RNF228: variants seen among roughly 807,000 people sequenced by gnomAD.
The protein encoded by RNF228 is ring finger protein 228.
the RNF228 span, among the ~76,000 whole-genome samples, chr2:222,314,899 G>A: frequency 2.0e-5 from 3 of 152,150 alleles, no homozygotes; most frequent in Non-Finnish European, 2.9e-5. Context: ...CCTTGGAGGC[G>A]ACAATGTAGA....
chr2:222,316,110 A>C, the RNF228 span, among the ~76,000 whole-genome samples: 1 of 152,224 alleles, frequency 6.6e-6, no homozygotes, highest in East Asian at 1.9e-4. Context: ...TTGCTATTTC[A>C]ACAATTACTT....
chr2:222,318,150 A>G, the RNF228 span: 1 of 152,254 alleles, frequency 6.6e-6, no homozygotes, highest in African/African-American at 2.4e-5. Context: ...GAGAGAAGGG[A>G]GAACAGGCTC....
At chr2:222,318,984 C>T in the RNF228 span, 3,348 of 153,668 alleles carry the variant, frequency 0.022, 108 homozygotes, top group African/African-American at 0.072. Context: ...TCTCCCGCCA[C>T]GCGGGGCTGG....
At chr2:222,318,916 CGG>C in the RNF228 span, 1 of 152,418 alleles carries the variant, frequency 6.6e-6, no homozygotes, top group African/African-American at 2.4e-5. Context: ...CAGGAGAGCC[CGG>C]GGGCAGCAGG....
the RNF228 span, among the ~76,000 whole-genome samples, chr2:222,316,991 T>C: frequency 6.6e-6 from 1 of 152,196 alleles, no homozygotes; most frequent in Admixed American, 6.5e-5. Flanking sequence ...ATTGTGGTAG[T>C]AAATATGTAA....
the RNF228 span, chr2:222,319,267 C>T: frequency 3.0e-6 from 1 of 338,580 alleles, no homozygotes; most frequent in Admixed American, 4.8e-5. The surrounding 1 kb of genome is among the most constrained non-coding windows in gnomAD (Gnocchi z 7.6). Context: ...GGCGCCCCGC[C>T]TCCGGGGGTT....
chr2:222,319,205 GGGCC>G, the RNF228 span: 1 of 319,018 alleles, frequency 3.1e-6, no homozygotes, highest in Admixed American at 5.0e-5. The surrounding 1 kb of genome is among the most constrained non-coding windows in gnomAD (Gnocchi z 7.6). Context: ...ACAGGCAGAT[GGGCC>G]CCACGGGCGA....
chr2:222,315,692 G>A, the RNF228 span, among the ~76,000 whole-genome samples: 5 of 152,150 alleles, frequency 3.3e-5, no homozygotes, highest in East Asian at 1.9e-4. Context: ...CGGTCTTTCC[G>A]ACTAAAGAGA....
the RNF228 span, among the ~76,000 whole-genome samples, chr2:222,319,923 G>A: frequency 6.6e-6 from 1 of 152,106 alleles, no homozygotes; most frequent in African/African-American, 2.4e-5. The surrounding 1 kb of genome is among the most constrained non-coding windows in gnomAD (Gnocchi z 7.6). Flanking sequence ...AGGGAGGCCG[G>A]AGACCGTCTC....
the RNF228 span, chr2:222,317,474 T>C: frequency 2.0e-5 from 3 of 152,206 alleles, no homozygotes; most frequent in African/African-American, 7.2e-5. Flanking sequence ...CAGTAGATTC[T>C]GTGATTTTTA....
At chr2:222,318,909 G>A in the RNF228 span, 1 of 152,492 alleles carries the variant, frequency 6.6e-6, no homozygotes, top group South Asian at 2.0e-4. Context: ...GTGAGTCCAG[G>A]AGAGCCCGGG....
At chr2:222,314,484 A>G in the RNF228 span, among the ~76,000 whole-genome samples, 2 of 152,262 alleles carry the variant, frequency 1.3e-5, no homozygotes, top group African/African-American at 4.8e-5. Context: ...TTGCACTATA[A>G]CAAATACAAT....
the RNF228 span, chr2:222,317,923 G>A: frequency 5.9e-5 from 9 of 152,268 alleles, no homozygotes; most frequent in African/African-American, 2.2e-4. Flanking sequence ...ATTTCGAAAT[G>A]TATTTGGACT....
At chr2:222,315,076 G>GTTT in the RNF228 span, among the ~76,000 whole-genome samples, 7 of 87,278 alleles carry the variant, frequency 8.0e-5, no homozygotes, top group African/African-American at 2.6e-4. Flanking sequence ...CTTGCCATAA[G>GTTT]TATTTTTTTT....
chr2:222,316,970 T>A, the RNF228 span, among the ~76,000 whole-genome samples: 1 of 152,164 alleles, frequency 6.6e-6, no homozygotes, highest in African/African-American at 2.4e-5. Flanking sequence ...CAGAGTTTAG[T>A]TTTAGTGGAC....
chr2:222,319,367 A>G, the RNF228 span: 258,016 of 341,040 alleles, frequency 0.76, 98,037 homozygotes, highest in Admixed American at 0.84. The surrounding 1 kb of genome is among the most constrained non-coding windows in gnomAD (Gnocchi z 7.6). Context: ...ACACGCAGCC[A>G]GCGGTGAGCG....
chr2:222,314,850 T>C, the RNF228 span, among the ~76,000 whole-genome samples: 12 of 152,262 alleles, frequency 7.9e-5, no homozygotes, highest in Admixed American at 3.3e-4. Context: ...GAAATTCCAC[T>C]GCAATGTGCT....
chr2:222,316,067 C>G, the RNF228 span, among the ~76,000 whole-genome samples: 6 of 152,138 alleles, frequency 3.9e-5, no homozygotes, highest in Non-Finnish European at 7.4e-5. Flanking sequence ...AAAAAAAATA[C>G]CACTTTCACC....
At chr2:222,314,649 G>A in the RNF228 span, among the ~76,000 whole-genome samples, 7 of 152,204 alleles carry the variant, frequency 4.6e-5, no homozygotes, top group Non-Finnish European at 8.8e-5. Flanking sequence ...GAGGGTACGA[G>A]TTGAATCACA....
Sources: allele counts gnomAD v4.1 joint callset (sites outside exome capture counted in the v4.1 genomes callset), GRCh38; gene constraint gnomAD v4.1.1; non-coding constraint Gnocchi (gnomAD v3.1); transcripts MANE v1.5; gene names NCBI Gene and HGNC (gene_info 2026-07-23, HGNC 2026-07-21).